Variants in PPP4R3B observed in about 807,000 individuals in gnomAD.
PPP4R3B encodes the protein protein phosphatase 4 regulatory subunit 3B, also known as serine/threonine-protein phosphatase 4 regulatory subunit 3B.
In PPP4R3B, 52 loss-of-function variants were observed where a neutral mutation model predicts 95.4. The ratio of observed to expected loss-of-function variants is 0.54; its 90% CI spans 0.44 to 0.69. PPP4R3B has a LOEUF of 0.69. PPP4R3B is among the 30% of genes least tolerant of loss of function. PPP4R3B has a pLI of 0.00. For missense variants in PPP4R3B, 1,003 were observed against 1,005.9 expected (o/e 1.00, Z 0.04); for synonymous variants, 407 against 343.9 (o/e 1.18, Z -2.03).
chr2:55,561,285 A>G (rs1348706812), intron 15 of PPP4R3B, among the ~76,000 whole-genome samples: 2 of 152,216 alleles, frequency 1.3e-5, no homozygotes, highest in Non-Finnish European at 2.9e-5. Flanking sequence ...CCTAGATTTC[A>G]GAAGACATAT....
intron 2 of PPP4R3B, among the ~76,000 whole-genome samples, chr2:55,607,393 C>T (rs947733090): frequency 4.6e-5 from 7 of 152,308 alleles, no homozygotes; most frequent in East Asian, 1.9e-4. Flanking sequence ...TCCAACCAAA[C>T]GGCTATAAAT....
chr2:55,571,720 G>A (rs908741220), intron 12 of PPP4R3B, among the ~76,000 whole-genome samples: 2 of 152,170 alleles, frequency 1.3e-5, no homozygotes, highest in Non-Finnish European at 2.9e-5. Flanking sequence ...CCGTCTCCCG[G>A]GTTCAAGTGA....
At chr2:55,576,010 A>T (rs13025331) in intron 11 of PPP4R3B, among the ~76,000 whole-genome samples, 1 of 151,772 alleles carries the variant, frequency 6.6e-6, no homozygotes, top group African/African-American at 2.4e-5. Context: ...TTGCTCTAAC[A>T]GCCAGTACCA....
At chr2:55,615,725 G>A (rs1448073454) in intron 1 of PPP4R3B, among the ~76,000 whole-genome samples, 1 of 151,744 alleles carries the variant, frequency 6.6e-6, no homozygotes, top group African/African-American at 2.4e-5. Context: ...GGTGGCGCAT[G>A]CCTGTAGTCC....
At position 55,549,970 on chromosome 2, in the gene PPP4R3B, C is replaced by T. The variant is rs746946394; in HGVS notation, c.2491G>A (p.Glu831Lys). Residue 831 changes from glutamate to lysine, a missense_variant, in exon 17 of 17, where the codon GAA becomes AAA. Physicochemically the swap from Glu to Lys is moderately conservative, Grantham distance 56 (BLOSUM62 1). Transcript: ENST00000616407. ...LVGLVDYPDDEEEDEEEESSP... is the reference protein window; with the variant it reads ...LVGLVDYPDDKEEDEEEESSP... ...GATTCTTCTTCTTCATCTTCCTCTT[C>T]ATCATCTGGATAATCCACTAAGCCA... The T allele has an allele frequency of 6.2e-7, 1 of 1,613,440 alleles. No individual in the cohort carries two copies. Among genetic ancestry groups the T allele is most frequent in the Non-Finnish European group, 8.5e-7 (1 of 1,179,828 alleles).
rs561217731 is a variant in PPP4R3B at position 55,611,323 on chromosome 2, G to A, written c.198+4128C>T. 7.9e-5 allele frequency among the ~76,000 whole-genome samples: 12 copies of A among 152,280 alleles called. No individual in the cohort carries two copies. In the South Asian group the frequency reaches 2.3e-3, roughly 29 times the overall value. Reference sequence around the variant, plus strand: ...ACCACAAGCACACGCCACCACACCTGGCTTTGACTCTGCTTTTGATTTAGT... The same window carrying A: ...ACCACAAGCACACGCCACCACACCTAGCTTTGACTCTGCTTTTGATTTAGT... On this transcript the variant is annotated intron_variant, in intron 2 of 16. Transcript: ENST00000616407.
At chr2:55,594,810 G>A (rs1691537906) in intron 4 of PPP4R3B, among the ~76,000 whole-genome samples, 3 of 152,026 alleles carry the variant, frequency 2.0e-5, no homozygotes, top group Non-Finnish European at 2.9e-5. Context: ...AAAAGAACCT[G>A]ATATGTACAT....
intron 13 of PPP4R3B, among the ~76,000 whole-genome samples, chr2:55,565,536 C>T (rs1041944441): frequency 2.8e-4 from 43 of 151,996 alleles, no homozygotes; most frequent in African/African-American, 9.6e-4. Context: ...GTGATGGATA[C>T]CCCAAATACC....
At chr2:55,562,729 C>A (rs1029812356) in intron 15 of PPP4R3B, among the ~76,000 whole-genome samples, 1 of 152,168 alleles carries the variant, frequency 6.6e-6, no homozygotes, top group African/African-American at 2.4e-5. Context: ...CCTTACGGAT[C>A]ATAACAAAAT....
rs70954131 is a variant in PPP4R3B at position 55,574,935 on chromosome 2, C to CT, written c.1607-1159dup. ...TTTAATATAATTTCATATACAACTTCTTTTTTTTTTTTTTTTTTTTGAGAC... is the reference window on the plus strand; with the variant it reads ...TTTAATATAATTTCATATACAACTTCTTTTTTTTTTTTTTTTTTTTTGAGAC... On this transcript the variant is annotated intron_variant, in intron 11 of 16. Transcript: ENST00000616407. 4.8e-3 allele frequency among the ~76,000 whole-genome samples: 473 copies of CT among 99,310 alleles called. 8 individuals carry two copies. Among genetic ancestry groups the CT allele is most frequent in the African/African-American group, 0.012 (317 of 26,792 alleles). 65.2% of individuals were successfully genotyped at this position (99,310 alleles called of 152,430 possible).
At chr2:55,574,472 C>G (rs1688391567) in intron 11 of PPP4R3B, among the ~76,000 whole-genome samples, 1 of 151,856 alleles carries the variant, frequency 6.6e-6, no homozygotes, top group Non-Finnish European at 1.5e-5. Context: ...ATACTTAAAA[C>G]TTTTTGCCTA....
At chr2:55,582,195 G>C (rs1019710054) in intron 7 of PPP4R3B, among the ~76,000 whole-genome samples, 38 of 152,142 alleles carry the variant, frequency 2.5e-4, no homozygotes, top group African/African-American at 8.9e-4. Context: ...CTTCATGCAA[G>C]TGAACACTGT....
At chr2:55,610,746 T>C (rs1694049287) in intron 2 of PPP4R3B, among the ~76,000 whole-genome samples, 1 of 152,252 alleles carries the variant, frequency 6.6e-6, no homozygotes, top group Non-Finnish European at 1.5e-5. Flanking sequence ...TAAGCTATCT[T>C]ATTATCATTC....
intron 4 of PPP4R3B, among the ~76,000 whole-genome samples, chr2:55,596,309 C>T (rs978777977): frequency 2.0e-5 from 3 of 151,088 alleles, no homozygotes; most frequent in Non-Finnish European, 2.9e-5. Flanking sequence ...ATAGAACTAA[C>T]ATCAGAATTG....
chr2:55,580,748 A>G (rs1689340459), intron 8 of PPP4R3B, among the ~76,000 whole-genome samples: 1 of 152,208 alleles, frequency 6.6e-6, no homozygotes, highest in African/African-American at 2.4e-5. Context: ...AACGATGTAT[A>G]TATTCTCTAA....
At chr2:55,592,881 C>T (rs923360411) in intron 4 of PPP4R3B, among the ~76,000 whole-genome samples, 2 of 152,184 alleles carry the variant, frequency 1.3e-5, no homozygotes, top group Non-Finnish European at 2.9e-5. Flanking sequence ...TAATTTCTGG[C>T]TGGGGGCAGT....
In PPP4R3B at chr2:55,601,518, C is replaced by T. The variant is rs1053169593; in HGVS notation, c.297+2460G>A. 1.4e-4 allele frequency among the ~76,000 whole-genome samples: 21 copies of T among 152,066 alleles called. No homozygotes were observed. In the Middle Eastern group the frequency reaches 0.02, roughly 148 times the overall value. On this transcript the variant is annotated intron_variant, in intron 3 of 16. Coordinates refer to ENST00000616407, the MANE Select transcript of PPP4R3B (RefSeq NM_001122964.3). ...GCCTCAGCCTCCCAAGTAGCTGGGACTACAGGTGCCCACCACCATGCCCGG... is the reference window on the plus strand; with the variant it reads ...GCCTCAGCCTCCCAAGTAGCTGGGATTACAGGTGCCCACCACCATGCCCGG...
At chr2:55,564,126 C>T (rs1686978484) in intron 15 of PPP4R3B, among the ~76,000 whole-genome samples, 187 bp downstream of exon 15, 1 of 152,122 alleles carries the variant, frequency 6.6e-6, no homozygotes, top group Non-Finnish European at 1.5e-5. Context: ...TGAAGAGAAA[C>T]ATTTTAAACA....
chr2:55,599,352 C>T (rs1289236401), intron 3 of PPP4R3B, among the ~76,000 whole-genome samples: 1 of 152,100 alleles, frequency 6.6e-6, no homozygotes, highest in East Asian at 1.9e-4. Flanking sequence ...GCAGGAGAAT[C>T]GCTTGAACCT....
Sources: allele counts gnomAD v4.1 joint callset (sites outside exome capture counted in the v4.1 genomes callset), GRCh38; gene constraint gnomAD v4.1.1; transcripts MANE v1.5; gene names NCBI Gene and HGNC (gene_info 2026-07-23, HGNC 2026-07-21).